Variants in ZFPM2 observed in about 807,000 individuals in gnomAD.
ZFPM2 encodes zinc finger protein ZFPM2.
Under a neutral mutation model 98.6 loss-of-function variants are expected in ZFPM2, and 20 were observed. The ratio of observed to expected loss-of-function variants is 0.20; its 90% CI spans 0.14 to 0.29. The LOEUF is 0.29. ZFPM2 is among the 10% of genes least tolerant of loss of function. The pLI, the probability that ZFPM2 is intolerant of heterozygous loss-of-function variation, is 1.00. For synonymous variants in ZFPM2, 518 were observed against 502.7 expected (o/e 1.03, Z -0.41); for missense variants, 1,310 against 1,388.6 (o/e 0.94, Z 0.90).
chr8:105,635,477 T>TGCACA (rs1378659355), intron 5 of ZFPM2, among the ~76,000 whole-genome samples: 4 of 151,690 alleles, frequency 2.6e-5, no homozygotes, highest in African/African-American at 7.3e-5. Context: ...AAAAACAATC[T>TGCACA]GCACACCAGG....
At chr8:105,597,157 G>A (rs1259690335) in intron 4 of ZFPM2, among the ~76,000 whole-genome samples, 3 of 151,962 alleles carry the variant, frequency 2.0e-5, no homozygotes, top group Non-Finnish European at 4.4e-5. Flanking sequence ...GGTTGCAAAT[G>A]AATGTTAGGG....
At chr8:105,413,708 A>G (rs1244634405) in intron 1 of ZFPM2, among the ~76,000 whole-genome samples, 2 of 151,588 alleles carry the variant, frequency 1.3e-5, no homozygotes, top group Non-Finnish European at 2.9e-5. Context: ...GGAGAACACC[A>G]CCATTTTCAT....
At chr8:105,337,587 A>G (rs1210100181) in intron 1 of ZFPM2, among the ~76,000 whole-genome samples, 1 of 151,840 alleles carries the variant, frequency 6.6e-6, no homozygotes. Context: ...AGTTTACATT[A>G]TGAATAATAA....
intron 4 of ZFPM2, among the ~76,000 whole-genome samples, chr8:105,579,688 G>A (rs192407718): frequency 1.3e-5 from 2 of 152,300 alleles, no homozygotes; most frequent in East Asian, 3.9e-4. Flanking sequence ...AGCAGAGTCA[G>A]CCTCTCGTTG....
intron 3 of ZFPM2, among the ~76,000 whole-genome samples, chr8:105,509,049 G>A (rs1244530876): frequency 6.6e-6 from 1 of 152,034 alleles, no homozygotes; most frequent in Non-Finnish European, 1.5e-5. Flanking sequence ...AGAGCGCCGG[G>A]CCCACAAGAT....
chr8:105,646,733 TCCCCCGAGA>T (rs1454718163), intron 5 of ZFPM2, among the ~76,000 whole-genome samples: 1 of 151,866 alleles, frequency 6.6e-6, no homozygotes, highest in Non-Finnish European at 1.5e-5. Context: ...AGAACAACAG[TCCCCCGAGA>T]TTTATGAACC....
At chr8:105,388,832 C>T (rs1811051592) in intron 1 of ZFPM2, among the ~76,000 whole-genome samples, 2 of 152,080 alleles carry the variant, frequency 1.3e-5, no homozygotes, top group African/African-American at 4.8e-5. Context: ...GTGCTCAGTT[C>T]CCTGAAATAA....
intron 5 of ZFPM2, among the ~76,000 whole-genome samples, chr8:105,734,867 TC>T (rs34031875): frequency 0.056 from 8,505 of 151,502 alleles, 818 homozygotes; most frequent in African/African-American, 0.19. Flanking sequence ...AATGCCCCTT[TC>T]CCATGAGGCT....
At chr8:105,511,147 AT>A in intron 3 of ZFPM2, among the ~76,000 whole-genome samples, 1 of 152,340 alleles carries the variant, frequency 6.6e-6, no homozygotes, top group Non-Finnish European at 1.5e-5. Flanking sequence ...CCAGACTGGC[AT>A]GTAGGAAGTC....
intron 4 of ZFPM2, among the ~76,000 whole-genome samples, chr8:105,610,317 A>G (rs1304997101): frequency 6.6e-6 from 1 of 152,198 alleles, no homozygotes; most frequent in Non-Finnish European, 1.5e-5. Flanking sequence ...CATTTTTATA[A>G]TATTGTAAAG....
chr8:105,319,067 G>T, intron 1 of ZFPM2, 86 bp downstream of exon 1: 1 of 1,401,694 alleles, frequency 7.1e-7, no homozygotes, highest in Non-Finnish European at 9.5e-7. Flanking sequence ...GGTGGGTGGC[G>T]GGGCTAGGGG....
intron 3 of ZFPM2, among the ~76,000 whole-genome samples, chr8:105,552,628 C>T (rs1408945490): frequency 6.7e-6 from 1 of 149,690 alleles, no homozygotes; most frequent in Admixed American, 6.7e-5. Context: ...TATTTTCAGA[C>T]ACCTGGGATG....
At chr8:105,538,851 A>G (rs1441957126) in intron 3 of ZFPM2, among the ~76,000 whole-genome samples, 2 of 152,040 alleles carry the variant, frequency 1.3e-5, no homozygotes, top group Non-Finnish European at 2.9e-5. Flanking sequence ...GTCTCTACAA[A>G]ACATTAAAAA....
intron 3 of ZFPM2, among the ~76,000 whole-genome samples, chr8:105,535,672 A>G (rs539220457): frequency 1.3e-5 from 2 of 152,258 alleles, no homozygotes; most frequent in South Asian, 2.1e-4. Flanking sequence ...TTGGAAAATT[A>G]TAGTGTCTAA....
chr8:105,511,357 A>T (rs1246233893), intron 3 of ZFPM2, among the ~76,000 whole-genome samples: 1 of 152,232 alleles, frequency 6.6e-6, no homozygotes, highest in Non-Finnish European at 1.5e-5. Context: ...TTCTCTCTTT[A>T]CAGCCTATTT....
At chr8:105,488,487 C>T (rs148938426) in intron 3 of ZFPM2, among the ~76,000 whole-genome samples, 117 of 152,144 alleles carry the variant, frequency 7.7e-4, no homozygotes, top group African/African-American at 2.4e-3. Context: ...AACAGCCGGG[C>T]GCGGTGGTTT....
chr8:105,562,614 C>T (rs1158160108), intron 4 of ZFPM2, among the ~76,000 whole-genome samples: 5 of 152,080 alleles, frequency 3.3e-5, no homozygotes, highest in Admixed American at 1.3e-4. Context: ...GAGGGCTGCC[C>T]GTGGCCCTTC....
At chr8:105,397,677 C>T (rs922300434) in intron 1 of ZFPM2, among the ~76,000 whole-genome samples, 4 of 152,036 alleles carry the variant, frequency 2.6e-5, no homozygotes, top group Admixed American at 6.6e-5. Context: ...GTAAAGATGT[C>T]GTCTTTGACA....
intron 1 of ZFPM2, among the ~76,000 whole-genome samples, chr8:105,332,060 A>G (rs1812243256): frequency 6.6e-6 from 1 of 151,714 alleles, no homozygotes; most frequent in Non-Finnish European, 1.5e-5. Flanking sequence ...ACTTGCAGTC[A>G]CTACATTTTA....
Sources: allele counts gnomAD v4.1 joint callset (sites outside exome capture counted in the v4.1 genomes callset), GRCh38; gene constraint gnomAD v4.1.1; transcripts MANE v1.5; gene names NCBI Gene and HGNC (gene_info 2026-07-23, HGNC 2026-07-21).